ZFYVE16: variants seen among roughly 807,000 people sequenced by gnomAD.
ZFYVE16 encodes zinc finger FYVE-type containing 16.
ZFYVE16 carries 89 observed loss-of-function variants against 138.1 expected under a neutral mutation model. The observed-to-expected ratio is 0.64, with a 90% CI of 0.54 to 0.77. The LOEUF is 0.77. Ranked by LOEUF, ZFYVE16 falls within the 30% of genes least tolerant of loss-of-function variation. ZFYVE16 has a pLI of 0.00. For missense variants in ZFYVE16, 1,793 were observed against 1,786.7 expected, an observed-to-expected ratio of 1.00 and a Z score of -0.06; for synonymous variants, 596 against 618.3, an observed-to-expected ratio of 0.96 and a Z score of 0.53.
Position 80,475,075 on chromosome 5 carries a change from C to T in ZFYVE16, c.4461+245C>T, listed in dbSNP as rs114485062. Among the ~76,000 whole-genome samples, 218 of 152,268 alleles carry T rather than the reference C, an allele frequency of 1.4e-3. 1 individual carries two copies. Among genetic ancestry groups the T allele is most frequent in the African/African-American group, 4.3e-3 (177 of 41,550 alleles). ...CAGTATGGTTTCTTTCACAACTACT[C>T]AACACTACCATTATATTGGGAAAGC... On this transcript the variant is annotated intron_variant, in intron 18 of 18. Transcript: ENST00000505560.
chr5:80,413,766 A>G (rs989215015), intron 1 of ZFYVE16, among the ~76,000 whole-genome samples: 6 of 152,216 alleles, frequency 3.9e-5, no homozygotes, highest in African/African-American at 1.4e-4. Flanking sequence ...GCTGCTCCAG[A>G]GTCAGTGACT....
At chr5:80,423,910 G>A (rs2112242489) in intron 1 of ZFYVE16, among the ~76,000 whole-genome samples, 1 of 151,314 alleles carries the variant, frequency 6.6e-6, no homozygotes, top group South Asian at 2.1e-4. Context: ...GTTTCCCAAG[G>A]TGGATGCTTA....
At chr5:80,469,855 G>C (rs188043487) in intron 15 of ZFYVE16, among the ~76,000 whole-genome samples, 2 of 150,590 alleles carry the variant, frequency 1.3e-5, no homozygotes, top group Admixed American at 1.3e-4. Flanking sequence ...CTCTCCTTTG[G>C]GCTTTCAGTT....
At chr5:80,432,513 G>A (rs1237622740) in intron 2 of ZFYVE16, among the ~76,000 whole-genome samples, 1 of 152,130 alleles carries the variant, frequency 6.6e-6, no homozygotes, top group Non-Finnish European at 1.5e-5. Flanking sequence ...TACCATTCAG[G>A]ACATAGGCAT....
At chr5:80,460,326 G>A (rs1367611002) in intron 15 of ZFYVE16, among the ~76,000 whole-genome samples, 1 of 152,000 alleles carries the variant, frequency 6.6e-6, no homozygotes, top group Non-Finnish European at 1.5e-5. Context: ...CTATTGGATT[G>A]TGCGTCTTTT....
chr5:80,456,342 T>C (rs1435023129), intron 12 of ZFYVE16, 119 bp from the exon 13 acceptor site: 1 of 788,270 alleles, frequency 1.3e-6, no homozygotes, highest in Non-Finnish European at 2.0e-6. Context: ...ACTACAAAGT[T>C]TTTCCTGAGA....
At chr5:80,426,293 T>TATAAATAAATAA (rs1402433567) in intron 1 of ZFYVE16, among the ~76,000 whole-genome samples, 80 of 88,702 alleles carry the variant, frequency 9.0e-4, no homozygotes, top group African/African-American at 2.6e-3. Flanking sequence ...TATATATATA[T>TATAAATAAATAA]AATTAAATTT....
chr5:80,462,211 C>G (rs1753196528), intron 15 of ZFYVE16, among the ~76,000 whole-genome samples: 1 of 152,134 alleles, frequency 6.6e-6, no homozygotes, highest in Non-Finnish European at 1.5e-5. Flanking sequence ...TCCATTTTCA[C>G]ACTGCTATAA....
At position 80,438,542 on chromosome 5, in the gene ZFYVE16, T is replaced by C; in HGVS notation, c.1857T>C (p.Val619=). The C allele has an allele frequency of 6.2e-7, 1 of 1,614,034 alleles. No individual in the cohort carries two copies. The highest frequency in any genetic ancestry group is 8.5e-7 in the Non-Finnish European group (1 of 1,179,952). ...TAGGAGAAAAAAGCACTATTCCAGT[T>C]CAACAAGGGTTACCTACCAGTAAGT... ...LSLGEKSTIP[V]QQGLPTSKSE... is the part of the protein sequence containing the mutation. The change falls in exon 4 of 19, where the codon GTT becomes GTC. Residue 619 remains valine, a synonymous_variant. Transcript: ENST00000505560.
At chr5:80,426,272 G>GTGTGTGTATATA (rs1370196862) in intron 1 of ZFYVE16, among the ~76,000 whole-genome samples, 248 of 26,418 alleles carry the variant, frequency 9.4e-3, no homozygotes, top group Middle Eastern at 0.024. Context: ...GTGTGTGTGT[G>GTGTGTGTATATA]TATATATATA....
intron 5 of ZFYVE16, chr5:80,441,545 T>C (rs1580236483): frequency 2.0e-6 from 2 of 985,330 alleles, no homozygotes; most frequent in Non-Finnish European, 2.4e-6. Flanking sequence ...TTTAAAATAA[T>C]GGTATCAAAT....
At chr5:80,422,058 A>G (rs1268589559) in intron 1 of ZFYVE16, among the ~76,000 whole-genome samples, 3 of 152,126 alleles carry the variant, frequency 2.0e-5, no homozygotes, top group Non-Finnish European at 2.9e-5. Context: ...CTTTGAAGCA[A>G]TTGTGAATGG....
chr5:80,438,487 A>C lies in ZFYVE16; in HGVS notation c.1802A>C (p.Lys601Thr). The C allele has an allele frequency of 1.9e-6, 3 of 1,613,506 alleles. No individual in the cohort carries two copies. The highest frequency in any genetic ancestry group is 2.5e-6 in the Non-Finnish European group (3 of 1,179,774). Residue 601 changes from lysine (K) to threonine (T), a missense_variant, in exon 4 of 19, where the codon AAA (lysine) becomes ACA (threonine). Physicochemically the swap from Lys to Thr is moderately conservative, Grantham distance 78. Coordinates refer to ENST00000505560, the MANE Select transcript of ZFYVE16 (RefSeq NM_001284236.3). Reference protein sequence around the residue: ...GINIICEIVDKQNTIENGLSL... With the variant: ...GINIICEIVDTQNTIENGLSL... ...AATATAATTTGTGAAATAGTTGATA[A>C]ACAAAATACAATAGAAAATGGCCTT...
At chr5:80,412,314 AATAT>A (rs1452860145) in intron 1 of ZFYVE16, among the ~76,000 whole-genome samples, 1 of 152,170 alleles carries the variant, frequency 6.6e-6, no homozygotes, top group African/African-American at 2.4e-5. Context: ...TAAATTTAAA[AATAT>A]ATAAATAGCC....
intron 1 of ZFYVE16, among the ~76,000 whole-genome samples, chr5:80,426,272 G>GTGTGTGTGTATA (rs1370196862): frequency 0.01 from 264 of 26,374 alleles, no homozygotes; most frequent in African/African-American, 0.015. Flanking sequence ...GTGTGTGTGT[G>GTGTGTGTGTATA]TATATATATA....
intron 7 of ZFYVE16, among the ~76,000 whole-genome samples, chr5:80,446,000 A>C (rs1418049018): frequency 1.3e-5 from 2 of 149,778 alleles, no homozygotes; most frequent in Non-Finnish European, 3.0e-5. Flanking sequence ...GATTCAAGTG[A>C]TTCTCCTGCC....
intron 12 of ZFYVE16, chr5:80,456,159 G>T (rs1472029353): frequency 6.7e-6 from 2 of 300,702 alleles, no homozygotes; most frequent in Admixed American, 5.0e-5. Flanking sequence ...TTTATAATAG[G>T]AAGTGTTGGA....
Position 80,445,269 on chromosome 5 carries a change from G to T in ZFYVE16, c.2588G>T (p.Cys863Phe). Residue 863 changes from cysteine (C) to phenylalanine (F), a missense_variant, in exon 7 of 19, where the codon TGT becomes TTT. Cys to Phe is a radical substitution (Grantham distance 205). This residue lies in a region of ZFYVE16 where 1,295 missense variants were observed against 1,204.3 expected (regional missense o/e 1.08). Coordinates refer to ENST00000505560, the MANE Select transcript of ZFYVE16 (RefSeq NM_001284236.3). ...CTTTTTCAATTGATTCTAGGACTAT[G>T]TTCCAAAGAACAGAAGAGAGTATGG... The part of the protein sequence containing the change: ...ALKQPGVEGL[C>F]SKEQKRVWFA... The T allele has an allele frequency of 6.2e-7, 1 of 1,612,762 alleles. No individual in the cohort carries two copies. The highest frequency in any genetic ancestry group is 8.5e-7 in the Non-Finnish European group (1 of 1,179,584).
At chr5:80,434,299 G>A (rs931352319) in intron 3 of ZFYVE16, 82 bp downstream of exon 3, 1 of 1,413,298 alleles carries the variant, frequency 7.1e-7, no homozygotes, top group Non-Finnish European at 9.8e-7. Context: ...AGTAATATTA[G>A]CAAAATTTTC....
Sources: allele counts gnomAD v4.1 joint callset (sites outside exome capture counted in the v4.1 genomes callset), GRCh38; gene constraint gnomAD v4.1.1; regional missense constraint gnomAD v4.1.1; transcripts MANE v1.5; gene names NCBI Gene and HGNC (gene_info 2026-07-23, HGNC 2026-07-21).